Variants in LUZP2 observed in about 807,000 individuals in gnomAD.
LUZP2 encodes the protein leucine zipper protein 2.
Under a neutral mutation model 51.6 loss-of-function variants are expected in LUZP2, and 52 were observed. The ratio of observed to expected loss-of-function variants is 1.01; its 90% CI spans 0.81 to 1.27. LUZP2 has a LOEUF of 1.27. Ranked by LOEUF, LUZP2 falls within the 50% of genes most tolerant of loss-of-function variation. The probability of loss-of-function intolerance (pLI) is 0.00; values close to 1 mark genes in which losing one functional copy is unlikely to be tolerated. For missense variants in LUZP2, 436 were observed against 395.4 expected (o/e 1.10, Z -0.87); for synonymous variants, 154 against 137.3 (o/e 1.12, Z -0.85).
intron 9 of LUZP2, among the ~76,000 whole-genome samples, chr11:25,001,672 T>G (rs529367897): frequency 6.6e-6 from 1 of 152,332 alleles, no homozygotes; most frequent in South Asian, 2.1e-4. Flanking sequence ...ACACTGTTTT[T>G]TCTTTACTGC....
chr11:25,023,782 T>C (rs1857408854), intron 9 of LUZP2, among the ~76,000 whole-genome samples: 1 of 152,178 alleles, frequency 6.6e-6, no homozygotes, highest in African/African-American at 2.4e-5. Context: ...GTGCTATACA[T>C]TGCCCTCTAC....
intron 1 of LUZP2, among the ~76,000 whole-genome samples, chr11:24,719,096 C>T (rs1042622097): frequency 4.0e-5 from 6 of 151,790 alleles, no homozygotes; most frequent in Non-Finnish European, 5.9e-5. Context: ...TTGACATGGC[C>T]GAAGGGGCTA....
At chr11:25,070,671 G>T (rs924302915) in intron 10 of LUZP2, among the ~76,000 whole-genome samples, 1 of 151,544 alleles carries the variant, frequency 6.6e-6, no homozygotes, top group African/African-American at 2.4e-5. Context: ...TAAAATAATT[G>T]TTTTTCCATA....
chr11:24,737,117 G>A (rs891317909), intron 3 of LUZP2, among the ~76,000 whole-genome samples: 1 of 152,088 alleles, frequency 6.6e-6, no homozygotes, highest in African/African-American at 2.4e-5. Context: ...AGGGTGTGGA[G>A]AGATGTCAGT....
intron 5 of LUZP2, among the ~76,000 whole-genome samples, chr11:24,827,362 C>T (rs1363276990): frequency 6.6e-6 from 1 of 152,068 alleles, no homozygotes; most frequent in Non-Finnish European, 1.5e-5. Flanking sequence ...AGATATACTA[C>T]AAAAAGATCA....
At chr11:24,703,816 G>A (rs898771155) in intron 1 of LUZP2, among the ~76,000 whole-genome samples, 1 of 150,900 alleles carries the variant, frequency 6.6e-6, no homozygotes, top group Non-Finnish European at 1.5e-5. Context: ...GCCAGAGTGA[G>A]ACTCCATCTC....
chr11:24,839,563 GC>G (rs1850960806), intron 5 of LUZP2, among the ~76,000 whole-genome samples: 1 of 151,584 alleles, frequency 6.6e-6, no homozygotes, highest in African/African-American at 2.4e-5. Flanking sequence ...AAAATCCCTA[GC>G]CTTTTATCTT....
intron 4 of LUZP2, among the ~76,000 whole-genome samples, chr11:24,750,974 G>A (rs751630815): frequency 4.9e-4 from 74 of 152,044 alleles, no homozygotes; most frequent in Non-Finnish European, 4.7e-4. Context: ...GGCCATGTCC[G>A]ATGCTGTGAT....
chr11:24,705,278 A>G (rs1857543597), intron 1 of LUZP2, among the ~76,000 whole-genome samples: 1 of 152,232 alleles, frequency 6.6e-6, no homozygotes, highest in African/African-American at 2.4e-5. Flanking sequence ...AAAGAGAAAA[A>G]TAGAAGGAGA....
intron 1 of LUZP2, among the ~76,000 whole-genome samples, chr11:24,604,639 C>T (rs906438129): frequency 6.6e-6 from 1 of 151,790 alleles, no homozygotes; most frequent in Non-Finnish European, 1.5e-5. Flanking sequence ...CCAATTTTAG[C>T]TCTGTCATTT....
At chr11:24,557,411 T>C (rs1426598608) in intron 1 of LUZP2, among the ~76,000 whole-genome samples, 1 of 152,184 alleles carries the variant, frequency 6.6e-6, no homozygotes. Context: ...TATTGCCATA[T>C]GTACAGCAGT....
At chr11:24,552,744 C>T (rs1311340111) in intron 1 of LUZP2, among the ~76,000 whole-genome samples, 2 of 151,554 alleles carry the variant, frequency 1.3e-5, no homozygotes, top group African/African-American at 4.8e-5. Flanking sequence ...ATAAAACAAA[C>T]AAGAAAACAA....
chr11:24,524,570 A>G (rs1435530919), intron 1 of LUZP2, among the ~76,000 whole-genome samples: 1 of 151,782 alleles, frequency 6.6e-6, no homozygotes, highest in Non-Finnish European at 1.5e-5. Context: ...TTACTAAGCA[A>G]GAGCACCATT....
intron 6 of LUZP2, among the ~76,000 whole-genome samples, chr11:24,906,319 C>G (rs1230200736): frequency 6.7e-6 from 1 of 149,570 alleles, no homozygotes; most frequent in Non-Finnish European, 1.5e-5. Context: ...CTTATCTGGA[C>G]TATCAGAACT....
At chr11:24,800,075 G>A (rs560419914) in intron 5 of LUZP2, among the ~76,000 whole-genome samples, 7 of 152,072 alleles carry the variant, frequency 4.6e-5, no homozygotes, top group South Asian at 4.2e-4. Flanking sequence ...CAGCTCTCTC[G>A]GTCCTTTGTC....
intron 1 of LUZP2, among the ~76,000 whole-genome samples, chr11:24,656,691 A>T (rs1855817412): frequency 6.6e-6 from 1 of 152,172 alleles, no homozygotes; most frequent in Non-Finnish European, 1.5e-5. Context: ...GCTGAGTGCC[A>T]TTTTAAAGGG....
rs186552871 is a variant in LUZP2, at chr11:24,918,655, A to G, written c.522+4117A>G. On this transcript the variant is annotated intron_variant, in intron 7 of 11. Coordinates refer to ENST00000336930, the MANE Select transcript of LUZP2 (RefSeq NM_001009909.4). The stretch of plus-strand genomic sequence containing the variant: ...TAATTCTTTAAAAAAAAAATCCTAA[A>G]TATTATTTATCATTGAAGAAAAATT... Among the ~76,000 whole-genome samples the G allele has an allele frequency of 5.6e-3, 845 of 151,778 alleles. 6 individuals carry two copies. The highest frequency in any genetic ancestry group is 1.0e-2 in the Non-Finnish European group (678 of 67,930).
intron 1 of LUZP2, among the ~76,000 whole-genome samples, chr11:24,674,456 A>T (rs897504405): frequency 6.6e-6 from 1 of 152,214 alleles, no homozygotes; most frequent in African/African-American, 2.4e-5. Context: ...AATCACCAGG[A>T]GAATAACAAC....
intron 5 of LUZP2, among the ~76,000 whole-genome samples, chr11:24,777,765 C>T (rs1848979519): frequency 6.6e-6 from 1 of 151,884 alleles, no homozygotes; most frequent in South Asian, 2.1e-4. Context: ...GTACATAATT[C>T]ATTGATTTAC....
Sources: allele counts gnomAD v4.1 joint callset (sites outside exome capture counted in the v4.1 genomes callset), GRCh38; gene constraint gnomAD v4.1.1; transcripts MANE v1.5; gene names NCBI Gene and HGNC (gene_info 2026-07-23, HGNC 2026-07-21).